GRM7: variants seen among roughly 807,000 people sequenced by gnomAD.
GRM7 encodes the protein metabotropic glutamate receptor 7.
A neutral mutation model predicts 84.5 loss-of-function variants in GRM7; 35 were observed. The observed-to-expected ratio is 0.41, with a 90% confidence interval of 0.32 to 0.55. GRM7 has a LOEUF of 0.55. Among genes scored for constraint, GRM7 ranks in the 20% least tolerant of loss-of-function variants. The probability of loss-of-function intolerance (pLI) is 0.19; values close to 1 mark genes in which losing one functional copy is unlikely to be tolerated. For missense variants in GRM7, 1,003 were observed against 1,194.6 expected, an observed-to-expected ratio of 0.84 and a Z score of 2.36; for synonymous variants, 487 against 455.1, an observed-to-expected ratio of 1.07 and a Z score of -0.89.
At chr3:7,622,759 A>C (rs1201689875) in intron 8 of GRM7, among the ~76,000 whole-genome samples, 1 of 152,112 alleles carries the variant, frequency 6.6e-6, no homozygotes, top group Non-Finnish European at 1.5e-5. Context: ...CAAGTCAGCC[A>C]GTGAAGTTTA....
intron 7 of GRM7, among the ~76,000 whole-genome samples, chr3:7,574,718 A>G (rs1322485183): frequency 1.3e-5 from 2 of 152,212 alleles, no homozygotes; most frequent in Non-Finnish European, 2.9e-5. Context: ...AGTATTTCAG[A>G]TAAGAACCTC....
chr3:7,700,775 A>G (rs1701198855), intron 9 of GRM7, among the ~76,000 whole-genome samples: 1 of 152,220 alleles, frequency 6.6e-6, no homozygotes, highest in Non-Finnish European at 1.5e-5. Flanking sequence ...GTTAGGGAAA[A>G]AAAGGACACT....
At chr3:7,100,905 A>G (rs1414167553) in intron 1 of GRM7, among the ~76,000 whole-genome samples, 1 of 151,654 alleles carries the variant, frequency 6.6e-6, no homozygotes, top group Non-Finnish European at 1.5e-5. Flanking sequence ...TTTGAGATTC[A>G]TCTATATTGT....
chr3:7,629,024 T>G (rs922634041), intron 8 of GRM7, among the ~76,000 whole-genome samples: 1 of 152,128 alleles, frequency 6.6e-6, no homozygotes, highest in African/African-American at 2.4e-5. Flanking sequence ...TGCAATAATC[T>G]AGAAAAGGCA....
At chr3:7,201,768 ACC>A (rs1696076245) in intron 2 of GRM7, among the ~76,000 whole-genome samples, 1 of 146,940 alleles carries the variant, frequency 6.8e-6, no homozygotes, top group African/African-American at 2.7e-5. Context: ...CAGAATTTTC[ACC>A]CTGTCTGATT....
At chr3:7,163,117 A>T (rs1559478742) in intron 2 of GRM7, among the ~76,000 whole-genome samples, 2 of 151,978 alleles carry the variant, frequency 1.3e-5, no homozygotes, top group African/African-American at 4.8e-5. Flanking sequence ...CTCCTCCTCC[A>T]GTCTTCTGTT....
intron 7 of GRM7, among the ~76,000 whole-genome samples, chr3:7,568,709 G>T (rs542962182): frequency 2.0e-5 from 3 of 152,116 alleles, no homozygotes; most frequent in African/African-American, 7.2e-5. Flanking sequence ...CGGCCCTGCC[G>T]GCCCTGGGCA....
chr3:6,892,593 A>C (rs1696006434), intron 1 of GRM7: 1 of 152,158 alleles, frequency 6.6e-6, no homozygotes, highest in South Asian at 2.1e-4. Flanking sequence ...CTTCCTGAGC[A>C]TCTGAGAGTG....
intron 1 of GRM7, among the ~76,000 whole-genome samples, chr3:7,011,421 C>T (rs1695364087): frequency 7.8e-6 from 1 of 128,116 alleles, no homozygotes; most frequent in African/African-American, 2.5e-5. Flanking sequence ...AGTTTATATG[C>T]TCATGTTCCA....
intron 8 of GRM7, among the ~76,000 whole-genome samples, chr3:7,652,936 A>G (rs898610433): frequency 2.0e-5 from 3 of 152,278 alleles, no homozygotes. Flanking sequence ...TTTTCACATC[A>G]GGCACATCCC....
intron 4 of GRM7, among the ~76,000 whole-genome samples, chr3:7,344,308 T>C (rs574582192): frequency 9.2e-5 from 14 of 152,166 alleles, no homozygotes; most frequent in Admixed American, 2.6e-4. Flanking sequence ...TGTGTTCTCA[T>C]TGTTTAGTTC....
intron 1 of GRM7, among the ~76,000 whole-genome samples, chr3:6,937,719 C>A (rs963595049): frequency 6.6e-6 from 1 of 152,114 alleles, no homozygotes. Context: ...CTTTAGTCAG[C>A]CACTGGAAGA....
At chr3:7,677,319 T>C (rs1244958824) in intron 8 of GRM7, among the ~76,000 whole-genome samples, 1 of 148,166 alleles carries the variant, frequency 6.7e-6, no homozygotes, top group African/African-American at 2.5e-5. Flanking sequence ...ATTAATACTA[T>C]GTGCTAGGCC....
intron 2 of GRM7, among the ~76,000 whole-genome samples, chr3:7,268,034 C>T (rs1015250241): frequency 1.1e-4 from 17 of 151,986 alleles, no homozygotes; most frequent in South Asian, 2.1e-4. Context: ...ATCAGGCCTC[C>T]GCATCTCAAT....
At chr3:7,251,777 T>C (rs1697996056) in intron 2 of GRM7, among the ~76,000 whole-genome samples, 2 of 152,128 alleles carry the variant, frequency 1.3e-5, no homozygotes, top group Non-Finnish European at 2.9e-5. Flanking sequence ...ATATAGTGAC[T>C]CCCCCAAAAT....
chr3:7,518,696 A>G (rs1700482201), intron 7 of GRM7, among the ~76,000 whole-genome samples: 1 of 152,180 alleles, frequency 6.6e-6, no homozygotes, highest in African/African-American at 2.4e-5. Context: ...TCATACTCTT[A>G]AGAAGCCAGA....
chr3:7,581,040 A>G (rs892125566), intron 8 of GRM7, among the ~76,000 whole-genome samples: 5 of 152,174 alleles, frequency 3.3e-5, no homozygotes, highest in Non-Finnish European at 7.3e-5. Context: ...AAGACATTAA[A>G]ACCTTTCCCG....
intron 1 of GRM7, among the ~76,000 whole-genome samples, chr3:7,065,160 G>C (rs375210604): frequency 1.3e-5 from 2 of 151,830 alleles, no homozygotes; most frequent in Non-Finnish European, 2.9e-5. Context: ...TTTGCTGACT[G>C]TTCCTTTTGC....
At chr3:7,307,462 C>T (rs2125036188) in intron 4 of GRM7, among the ~76,000 whole-genome samples, 1 of 152,272 alleles carries the variant, frequency 6.6e-6, no homozygotes, top group East Asian at 1.9e-4. Flanking sequence ...GAACTCTATC[C>T]TCTCACTCAA....
Sources: gnomAD v4.1 joint callset for allele counts (sites outside exome capture counted in the v4.1 genomes callset) on GRCh38, gnomAD v4.1.1 for gene constraint, MANE v1.5 for transcripts, NCBI Gene and HGNC (gene_info 2026-07-23, HGNC 2026-07-21) for gene names.